EP300: variants seen among roughly 807,000 people sequenced by gnomAD.
The protein encoded by EP300 is EP300 lysine acetyltransferase.
In EP300, 31 loss-of-function variants were observed where a neutral mutation model predicts 264.0. The observed-to-expected ratio is 0.12, with a 90% CI of 0.09 to 0.16. EP300 has a LOEUF of 0.16. Among genes scored for constraint, EP300 ranks in the 10% least tolerant of loss-of-function variants. The pLI, the probability that EP300 is intolerant of heterozygous loss-of-function variation, is 1.00. For synonymous variants in EP300, 1,340 were observed against 1,045.4 expected (o/e 1.28, Z -5.44); for missense variants, 2,766 against 3,052.9 (o/e 0.91, Z 2.21).
At chr22:41,114,607 C>T (rs2058811414) in intron 1 of EP300, among the ~76,000 whole-genome samples, 1 of 152,172 alleles carries the variant, frequency 6.6e-6, no homozygotes, top group East Asian at 1.9e-4. Flanking sequence ...TATATGACCA[C>T]ATGTTGGTTT....
intron 9 of EP300, among the ~76,000 whole-genome samples, 178 bp downstream of exon 9, chr22:41,140,435 A>G (rs1166181621): frequency 6.6e-6 from 1 of 152,132 alleles, no homozygotes; most frequent in Admixed American, 6.6e-5. Context: ...AGTGTATGTC[A>G]TCAAGAATCT....
In EP300 at chr22:41,178,089, C is replaced by T. The variant is rs368321182; in HGVS notation, c.6378C>T (p.Ser2126=). 10 of 1,614,104 alleles carry T rather than the reference C, an allele frequency of 6.2e-6. No homozygotes were observed. In the South Asian group the frequency reaches 6.6e-5, roughly 11 times the overall value. ...PTMPGQQGVH[S]NPAMQNMNPM... ...TGCCAGGTCAGCAGGGGGTCCACTC[C>T]AATCCAGCCATGCAGAACATGAATC... The change falls in exon 31 of 31, where the codon TCC becomes TCT. Residue 2126 remains serine (S), a synonymous_variant. Coordinates refer to ENST00000263253, the MANE Select transcript of EP300 (RefSeq NM_001429.4).
At chr22:41,117,104 A>G (rs1293536979) in intron 1 of EP300, 83 bp from the exon 2 acceptor site, 1 of 1,173,642 alleles carries the variant, frequency 8.5e-7, no homozygotes, top group Non-Finnish European at 1.3e-6. Context: ...AATGACATTT[A>G]ATGCTTATTG....
At chr22:41,123,454 G>A (rs1461157652) in intron 2 of EP300, among the ~76,000 whole-genome samples, 2 of 152,188 alleles carry the variant, frequency 1.3e-5, no homozygotes, top group Non-Finnish European at 2.9e-5. Context: ...GGTGAAAACA[G>A]AAGACAGGCA....
At chr22:41,162,532 T>C (rs1569113203) in intron 20 of EP300, among the ~76,000 whole-genome samples, 191 bp from the exon 21 acceptor site, 1 of 152,224 alleles carries the variant, frequency 6.6e-6, no homozygotes, top group South Asian at 2.1e-4. Context: ...ATTTATTTAC[T>C]ATGAAGTCCT....
intron 3 of EP300, 56 bp from the exon 4 acceptor site, chr22:41,127,431 A>G: frequency 6.2e-7 from 1 of 1,604,122 alleles, no homozygotes; most frequent in South Asian, 1.1e-5. Context: ...ATCTCTATTT[A>G]TTAAGAAATA....
chr22:41,167,635 T>TAA (rs1431929187), intron 23 of EP300, among the ~76,000 whole-genome samples: 1 of 108,050 alleles, frequency 9.3e-6, no homozygotes, highest in Non-Finnish European at 1.8e-5. Context: ...TATATATATA[T>TAA]AATGTTTGGT....
intron 17 of EP300, 58 bp from the exon 18 acceptor site, chr22:41,157,111 C>A: frequency 6.2e-7 from 1 of 1,606,682 alleles, no homozygotes; most frequent in Non-Finnish European, 8.5e-7. Flanking sequence ...GGATGATACT[C>A]CATCTCCCGT....
In EP300 at chr22:41,137,664, G is replaced by A. The variant is rs547550163; in HGVS notation, c.1634G>A (p.Ser545Asn). The A allele has an allele frequency of 3.7e-6, 6 of 1,614,008 alleles. No homozygotes were observed. In the African/African-American group the frequency reaches 6.7e-5, roughly 18 times the overall value. The change falls in exon 8 of 31, where the codon AGT becomes AAT. Residue 545 changes from serine to asparagine, a missense_variant. By Grantham distance (46) the Ser-to-Asn change is conservative. Transcript: ENST00000263253. ...ACCCCTTTTTGAAGCCCAATGATGA[G>A]TGAAAATGCCAGTGTGCCCTCCCTG... ...SAINSQNPMM[S>N]ENASVPSLGP...
Position 41,177,379 on chromosome 22 carries a change from A to G in EP300, c.5668A>G (p.Thr1890Ala), listed in dbSNP as rs767925282. ...PNSMPPYLPR[T>A]QAAGPVSQGK... is the part of the protein sequence containing the mutation. ...TAGCATGCCACCCTACTTGCCCAGG[A>G]CTCAAGCTGCTGGCCCTGTGTCCCA... Residue 1890 changes from threonine to alanine, a missense_variant, in exon 31 of 31, where the codon ACT (threonine) becomes GCT (alanine). By Grantham distance (58) the Thr-to-Ala change is moderately conservative (BLOSUM62 0). Coordinates refer to ENST00000263253, the MANE Select transcript of EP300 (RefSeq NM_001429.4). The G allele has an allele frequency of 2.5e-6, 4 of 1,613,608 alleles. No individual in the cohort carries two copies. The highest frequency in any genetic ancestry group is 2.2e-5 in the East Asian group (1 of 44,864).
intron 1 of EP300, among the ~76,000 whole-genome samples, chr22:41,110,793 C>T (rs941131847): frequency 6.6e-6 from 1 of 151,884 alleles, no homozygotes. Context: ...TGACAAACTT[C>T]TAGAAGTTTG....
intron 1 of EP300, among the ~76,000 whole-genome samples, chr22:41,098,590 C>T (rs2058714717): frequency 6.6e-6 from 1 of 152,178 alleles, no homozygotes; most frequent in South Asian, 2.1e-4. Context: ...CAAGGATGGT[C>T]TCCATACACT....
chr22:41,154,134 C>A (rs2145743174), intron 16 of EP300, among the ~76,000 whole-genome samples: 1 of 152,244 alleles, frequency 6.6e-6, no homozygotes, highest in Middle Eastern at 3.4e-3. Context: ...TTTGTTCTCT[C>A]TTCTTTTAAA....
chr22:41,125,221 C>A (rs2077697808), intron 2 of EP300, among the ~76,000 whole-genome samples: 1 of 150,488 alleles, frequency 6.6e-6, no homozygotes, highest in South Asian at 2.1e-4. Context: ...CGGGTTCACT[C>A]CATTCTCCTG....
chr22:41,104,486 T>C (rs545184708), intron 1 of EP300, among the ~76,000 whole-genome samples: 29 of 151,988 alleles, frequency 1.9e-4, no homozygotes, highest in African/African-American at 5.5e-4. Context: ...CACAGGGTTT[T>C]GCCATGTTGG....
intron 6 of EP300, among the ~76,000 whole-genome samples, chr22:41,135,481 C>T (rs1336199584): frequency 3.3e-5 from 5 of 151,848 alleles, no homozygotes; most frequent in African/African-American, 1.2e-4. Context: ...TTTAAGATTA[C>T]TCAAGTTCCC....
intron 23 of EP300, among the ~76,000 whole-genome samples, chr22:41,167,237 TC>T (rs1371223178): frequency 6.6e-6 from 1 of 152,164 alleles, no homozygotes; most frequent in Non-Finnish European, 1.5e-5. Flanking sequence ...TCACAGGTGA[TC>T]CACCCACCTT....
At chr22:41,145,136 T>C (rs2059003527) in intron 10 of EP300, among the ~76,000 whole-genome samples, 1 of 152,226 alleles carries the variant, frequency 6.6e-6, no homozygotes, top group Admixed American at 6.5e-5. Context: ...GTTACTCATA[T>C]CTTAGGTGAA....
intron 6 of EP300, among the ~76,000 whole-genome samples, chr22:41,134,342 CTG>C (rs2058937926): frequency 6.6e-6 from 1 of 151,644 alleles, no homozygotes; most frequent in Non-Finnish European, 1.5e-5. Flanking sequence ...GTTTTTGAGA[CTG>C]GGTCTGATAA....
Sources: allele counts gnomAD v4.1 joint callset (sites outside exome capture counted in the v4.1 genomes callset), GRCh38; gene constraint gnomAD v4.1.1; transcripts MANE v1.5; gene names NCBI Gene and HGNC (gene_info 2026-07-23, HGNC 2026-07-21).